Variants in CDKL4 observed in about 807,000 individuals in gnomAD.
CDKL4 encodes cyclin-dependent kinase-like 4.
CDKL4 carries 44 observed loss-of-function variants against 42.0 expected under a neutral mutation model. The ratio of observed to expected loss-of-function variants is 1.05; its 90% CI spans 0.82 to 1.35. The LOEUF is 1.35. CDKL4 is among the 40% of genes most tolerant of loss of function. The pLI is 0.00. For synonymous variants in CDKL4, 120 were observed against 121.6 expected (o/e 0.99, Z 0.09); for missense variants, 393 against 369.9 (o/e 1.06, Z -0.51).
At chr2:39,207,378 C>A (rs540800112) in intron 4 of CDKL4, among the ~76,000 whole-genome samples, 1 of 152,072 alleles carries the variant, frequency 6.6e-6, no homozygotes, top group Non-Finnish European at 1.5e-5. Flanking sequence ...GAGTGAGACC[C>A]TGTCTCAAAA....
chr2:39,182,354 G>A (rs1675487431), intron 8 of CDKL4, among the ~76,000 whole-genome samples: 1 of 152,148 alleles, frequency 6.6e-6, no homozygotes, highest in African/African-American at 2.4e-5. Flanking sequence ...AAATACCTAT[G>A]AATTTTCATT....
At chr2:39,168,298 T>C in the CDKL4 span, among the ~76,000 whole-genome samples, 1 of 152,178 alleles carries the variant, frequency 6.6e-6, no homozygotes. Context: ...GAATCTTCAA[T>C]ATGACAATAT....
intron 1 of CDKL4, among the ~76,000 whole-genome samples, chr2:39,242,706 A>G (rs566056305): frequency 8.1e-4 from 123 of 152,366 alleles, no homozygotes; most frequent in African/African-American, 3.0e-3. Flanking sequence ...GAAGGAAAAC[A>G]AAAATCAAGA....
chr2:39,171,741 G>A (rs1431599299), downstream of CDKL4, among the ~76,000 whole-genome samples: 2 of 152,176 alleles, frequency 1.3e-5, no homozygotes, highest in African/African-American at 2.4e-5. Flanking sequence ...TCTAAGATAC[G>A]TGTGTGTGGA....
chr2:39,206,386 C>G (rs1339275413), intron 4 of CDKL4, among the ~76,000 whole-genome samples: 1 of 152,152 alleles, frequency 6.6e-6, no homozygotes, highest in Admixed American at 6.5e-5. Context: ...CTGGACCCAG[C>G]TGTTCTTTCA....
chr2:39,237,028 C>G (rs900132139), intron 1 of CDKL4, among the ~76,000 whole-genome samples: 8 of 152,200 alleles, frequency 5.3e-5, no homozygotes, highest in Non-Finnish European at 1.2e-4. Flanking sequence ...GAACATGTCT[C>G]AACTCATTCT....
chr2:39,213,877 C>G (rs1453433640), intron 3 of CDKL4, among the ~76,000 whole-genome samples: 7 of 151,734 alleles, frequency 4.6e-5, no homozygotes, highest in Admixed American at 4.6e-4. Flanking sequence ...CTCCCTGTCT[C>G]TCTCTGTACT....
intron 5 of CDKL4, among the ~76,000 whole-genome samples, chr2:39,194,417 T>C (rs1407329881): frequency 6.6e-6 from 1 of 152,198 alleles, no homozygotes; most frequent in Non-Finnish European, 1.5e-5. Flanking sequence ...GAGGTTGCAA[T>C]GGGCTGAGAT....
chr2:39,219,875 A>C (rs559650048), intron 3 of CDKL4, among the ~76,000 whole-genome samples: 47 of 152,212 alleles, frequency 3.1e-4, no homozygotes, highest in Non-Finnish European at 6.5e-4. Context: ...TTCACTGGAG[A>C]AATTAAAGAA....
intron 3 of CDKL4, 64 bp from the exon 4 acceptor site, chr2:39,213,536 G>C (rs1677712998): frequency 3.6e-6 from 4 of 1,107,646 alleles, no homozygotes; most frequent in Admixed American, 1.7e-5. Context: ...GCAAGGGCTG[G>C]GAATAGAAGT....
intron 4 of CDKL4, among the ~76,000 whole-genome samples, chr2:39,207,912 G>C (rs955052879): frequency 2.0e-5 from 3 of 152,098 alleles, no homozygotes; most frequent in African/African-American, 7.2e-5. Flanking sequence ...GACCAGCCTG[G>C]CCAACATGGT....
chr2:39,224,918 C>T (rs1678604404), intron 3 of CDKL4, among the ~76,000 whole-genome samples: 1 of 152,112 alleles, frequency 6.6e-6, no homozygotes. Flanking sequence ...AGGTGGTTCT[C>T]TTAGATTTTG....
intron 2 of CDKL4, among the ~76,000 whole-genome samples, chr2:39,226,456 T>TTATATATATTATATATATAC (rs1678739138): frequency 7.3e-6 from 1 of 137,440 alleles, no homozygotes; most frequent in East Asian, 2.0e-4. Flanking sequence ...TATATATATA[T>TTATATATATTATATATATAC]TATATATATT....
At chr2:39,215,384 G>T (rs948683963) in intron 3 of CDKL4, among the ~76,000 whole-genome samples, 8 of 152,096 alleles carry the variant, frequency 5.3e-5, no homozygotes, top group Non-Finnish European at 1.2e-4. Context: ...ATCATGGTCT[G>T]TTATATATGC....
At chr2:39,236,793 G>A (rs530805653) in intron 1 of CDKL4, among the ~76,000 whole-genome samples, 48 of 152,260 alleles carry the variant, frequency 3.2e-4, no homozygotes, top group Non-Finnish European at 4.7e-4. Flanking sequence ...AGTCAAGTTG[G>A]TTGGACAAGT....
chr2:39,202,737 C>T (rs1676930665), intron 5 of CDKL4, among the ~76,000 whole-genome samples: 1 of 152,164 alleles, frequency 6.6e-6, no homozygotes, highest in African/African-American at 2.4e-5. Flanking sequence ...CCTTCTTTTG[C>T]ATGTGGATAT....
intron 5 of CDKL4, among the ~76,000 whole-genome samples, chr2:39,194,775 A>G (rs1183472453): frequency 6.6e-6 from 1 of 152,142 alleles, no homozygotes; most frequent in African/African-American, 2.4e-5. Context: ...CTATATATCT[A>G]TATATAGGAG....
chr2:39,179,696 A>G (rs986790445), intron 8 of CDKL4, among the ~76,000 whole-genome samples: 3 of 152,200 alleles, frequency 2.0e-5, no homozygotes, highest in Non-Finnish European at 4.4e-5. Flanking sequence ...CTTGGGTCCT[A>G]TACCCCGCCT....
intron 1 of CDKL4, among the ~76,000 whole-genome samples, chr2:39,234,534 A>C (rs1483063706): frequency 6.6e-6 from 1 of 152,236 alleles, no homozygotes; most frequent in Non-Finnish European, 1.5e-5. Context: ...ACAATGAAAC[A>C]GAATCAATAG....
Sources: gnomAD v4.1 joint callset for allele counts (sites outside exome capture counted in the v4.1 genomes callset) on GRCh38, gnomAD v4.1.1 for gene constraint, MANE v1.5 for transcripts, NCBI Gene and HGNC (gene_info 2026-07-23, HGNC 2026-07-21) for gene names.